PLCB4: variants seen among roughly 807,000 people sequenced by gnomAD.
PLCB4 encodes the protein 1-phosphatidylinositol 4,5-bisphosphate phosphodiesterase beta-4.
Under a neutral mutation model 178.8 loss-of-function variants are expected in PLCB4, and 77 were observed. That is an observed-to-expected ratio of 0.43 (90% CI 0.36 to 0.52). The LOEUF (loss-of-function observed/expected upper bound fraction) is 0.52. PLCB4 is among the 20% of genes least tolerant of loss of function. The pLI is 0.00. For synonymous variants in PLCB4, 496 were observed against 490.8 expected (o/e 1.01, Z -0.14); for missense variants, 1,024 against 1,453.4 (o/e 0.70, Z 4.80).
intron 1 of PLCB4, among the ~76,000 whole-genome samples, chr20:9,082,042 A>G (rs926047837): frequency 6.6e-6 from 1 of 150,850 alleles, no homozygotes; most frequent in Non-Finnish European, 1.5e-5. Context: ...TGTTTTTCCT[A>G]TTTTATGAGT....
chr20:9,231,907 G>A (rs867540379), intron 3 of PLCB4, among the ~76,000 whole-genome samples: 5 of 152,032 alleles, frequency 3.3e-5, no homozygotes, highest in Non-Finnish European at 7.4e-5. Flanking sequence ...CCAATTATCC[G>A]CCAACAGGTG....
intron 3 of PLCB4, among the ~76,000 whole-genome samples, chr20:9,288,632 G>A (rs1256689071): frequency 6.6e-6 from 1 of 151,836 alleles, no homozygotes; most frequent in Non-Finnish European, 1.5e-5. Flanking sequence ...GATACCATAG[G>A]ATTGCCCTGG....
At chr20:9,305,384 G>A (rs961371929) in intron 3 of PLCB4, among the ~76,000 whole-genome samples, 2 of 151,836 alleles carry the variant, frequency 1.3e-5, no homozygotes, top group Non-Finnish European at 2.9e-5. Flanking sequence ...TCCTACTGAT[G>A]TCTAGAGTTT....
At chr20:9,449,752 A>G (rs2042638755) in intron 32 of PLCB4, among the ~76,000 whole-genome samples, 1 of 152,202 alleles carries the variant, frequency 6.6e-6, no homozygotes, top group African/African-American at 2.4e-5. Context: ...CTACTGATGG[A>G]AAATTTTCTC....
At chr20:9,156,854 T>TCCCG (rs1491271275) in intron 2 of PLCB4, among the ~76,000 whole-genome samples, 2 of 67,164 alleles carry the variant, frequency 3.0e-5, no homozygotes, top group Non-Finnish European at 5.6e-5. Context: ...CCTCCCTCCC[T>TCCCG]TCCTTCCTTC....
intron 35 of PLCB4, among the ~76,000 whole-genome samples, chr20:9,461,560 T>C (rs530974483): frequency 3.9e-5 from 6 of 152,372 alleles, no homozygotes; most frequent in African/African-American, 1.2e-4. Context: ...GCCCAAATAC[T>C]GTGCTTTTCC....
At chr20:9,204,400 C>G (rs1365532681) in intron 2 of PLCB4, among the ~76,000 whole-genome samples, 1 of 151,980 alleles carries the variant, frequency 6.6e-6, no homozygotes, top group African/African-American at 2.4e-5. Flanking sequence ...GCTCTGTTGA[C>G]CAGGCTGGAG....
At position 9,232,241 on chromosome 20, in the gene PLCB4, G is replaced by T. The variant is rs1035660105; in HGVS notation, c.-16+14789G>T. Among the ~76,000 whole-genome samples the T allele has an allele frequency of 5.9e-4, 90 of 152,152 alleles. 2 individuals carry two copies. The highest frequency in any genetic ancestry group is 3.3e-4 in the Admixed American group (5 of 15,256). ...CTCTAATATCTTGATTGTGATGCCAGTTAGCATAGATACATTTTATTGCAT... is the reference window on the plus strand; with the variant it reads ...CTCTAATATCTTGATTGTGATGCCATTTAGCATAGATACATTTTATTGCAT... On this transcript the variant is annotated intron_variant, in intron 3 of 39. Transcript: ENST00000378473.
At chr20:9,204,250 C>CTT (rs369503219) in intron 2 of PLCB4, among the ~76,000 whole-genome samples, 1 of 148,840 alleles carries the variant, frequency 6.7e-6, no homozygotes, top group Non-Finnish European at 1.5e-5. Flanking sequence ...TACTAAAAGT[C>CTT]TTTTTTTTTT....
At chr20:9,419,585 A>C (rs2040484237) in intron 25 of PLCB4, among the ~76,000 whole-genome samples, 1 of 152,206 alleles carries the variant, frequency 6.6e-6, no homozygotes. Flanking sequence ...AAAGTTCCAG[A>C]GAAGATGATA....
At chr20:9,410,423 T>C (rs1307778301) in intron 24 of PLCB4, among the ~76,000 whole-genome samples, 2 of 152,202 alleles carry the variant, frequency 1.3e-5, no homozygotes, top group African/African-American at 4.8e-5. Context: ...TTCTATAATA[T>C]TAGGTTTAAA....
chr20:9,239,438 A>G (rs962817229), intron 3 of PLCB4, among the ~76,000 whole-genome samples: 1 of 152,218 alleles, frequency 6.6e-6, no homozygotes, highest in African/African-American at 2.4e-5. Flanking sequence ...GCTGACCCCT[A>G]TAACAAAGAC....
intron 38 of PLCB4, among the ~76,000 whole-genome samples, chr20:9,476,270 GATGTT>G (rs1176663746): frequency 1.3e-5 from 2 of 150,276 alleles, no homozygotes; most frequent in African/African-American, 4.9e-5. Context: ...GAAGGTTGGG[GATGTT>G]TTTCCTACTT....
Position 9,301,802 on chromosome 20 carries a change from CA to C in PLCB4, c.-15-5995del, listed in dbSNP as rs554849390. On this transcript the variant is annotated intron_variant, in intron 3 of 39. Transcript: ENST00000378473. ...CCCCTTCTTTCTTGTCCCCCGCTTC[CA>C]AAGTTTCTTGCAGTCCAGGGAGTTT... Among the ~76,000 whole-genome samples, 101 of 152,224 alleles carry C rather than the reference CA, an allele frequency of 6.6e-4. 1 individual carries two copies. In the Middle Eastern group the frequency reaches 0.01, roughly 15 times the overall value.
intron 3 of PLCB4, among the ~76,000 whole-genome samples, chr20:9,260,050 A>G (rs1258101631): frequency 6.6e-6 from 1 of 152,074 alleles, no homozygotes; most frequent in Non-Finnish European, 1.5e-5. Flanking sequence ...GAAATGATTT[A>G]TGTGTTCATA....
chr20:9,318,290 G>A (rs932692616), intron 4 of PLCB4, among the ~76,000 whole-genome samples: 9 of 151,566 alleles, frequency 5.9e-5, no homozygotes, highest in African/African-American at 2.0e-4. Flanking sequence ...TTTGAGGGAA[G>A]AGGAGGTGCG....
chr20:9,384,189 T>A lies in PLCB4; in HGVS notation c.854-12T>A, dbSNP rs886056981. On this transcript the variant is annotated splice_polypyrimidine_tract_variant and intron_variant, in intron 13 of 39. Transcript: ENST00000378473. Reference sequence around the variant, plus strand: ...AGCTACAAGTGCTACTAAGATGTTCTTTTTCCCCTAGGCCTTATATCAAGT... The same window carrying A: ...AGCTACAAGTGCTACTAAGATGTTCATTTTCCCCTAGGCCTTATATCAAGT... 30 of 1,600,322 alleles carry A rather than the reference T, an allele frequency of 1.9e-5. No individual in the cohort carries two copies. The highest frequency in any genetic ancestry group is 2.4e-5 in the Non-Finnish European group (28 of 1,167,556).
At chr20:9,227,733 G>C (rs1046369882) in intron 3 of PLCB4, among the ~76,000 whole-genome samples, 1 of 152,048 alleles carries the variant, frequency 6.6e-6, no homozygotes, top group Non-Finnish European at 1.5e-5. Flanking sequence ...GTCTTTTGTA[G>C]TAAGTTTTGA....
At chr20:9,267,555 TTC>T (rs1302629408) in intron 3 of PLCB4, among the ~76,000 whole-genome samples, 1 of 152,042 alleles carries the variant, frequency 6.6e-6, no homozygotes, top group East Asian at 1.9e-4. Flanking sequence ...GAGGTTATTT[TTC>T]TCTCTAGAAA....
Sources: allele counts gnomAD v4.1 joint callset (sites outside exome capture counted in the v4.1 genomes callset), GRCh38; gene constraint gnomAD v4.1.1; transcripts MANE v1.5; gene names NCBI Gene and HGNC (gene_info 2026-07-23, HGNC 2026-07-21).